DNAJC2: variants seen among roughly 807,000 people sequenced by gnomAD.
The protein encoded by DNAJC2 is DnaJ heat shock protein family (Hsp40) member C2, also known as dnaJ homolog subfamily C member 2.
In DNAJC2, 32 loss-of-function variants were observed where a neutral mutation model predicts 94.0. The ratio of observed to expected loss-of-function variants is 0.34; its 90% CI spans 0.26 to 0.46. The LOEUF is 0.46. Ranked by LOEUF, DNAJC2 falls within the 20% of genes least tolerant of loss-of-function variation. The pLI, the probability that DNAJC2 is intolerant of heterozygous loss-of-function variation, is 1.00. For synonymous variants in DNAJC2, 210 were observed against 229.7 expected (o/e 0.91, Z 0.77); for missense variants, 550 against 719.5 (o/e 0.76, Z 2.69).
At position 103,331,725 on chromosome 7, in the gene DNAJC2, C is replaced by T. The variant is rs189549663; in HGVS notation, c.332-3971G>A. 1.9e-3 allele frequency among the ~76,000 whole-genome samples: 293 copies of T among 152,218 alleles called. 2 individuals carry two copies. Among genetic ancestry groups the T allele is most frequent in the Admixed American group, 0.015 (226 of 15,284 alleles). On this transcript the variant is annotated intron_variant, in intron 3 of 16. Coordinates refer to ENST00000379263, the MANE Select transcript of DNAJC2 (RefSeq NM_014377.3). ...TGGCTGAGTGGTATCCCATTGTATA[C>T]ATATACTTTTCTTTATCAACTAGTC...
rs1377390011 is a variant in DNAJC2 at position 103,316,075 on chromosome 7, C to G, written c.1441G>C (p.Ala481Pro). The change falls in exon 14 of 17, where the codon GCT becomes CCT. Residue 481 changes from alanine (A) to proline (P), a missense_variant. Ala to Pro is a conservative substitution (Grantham distance 27). Coordinates refer to ENST00000379263, the MANE Select transcript of DNAJC2 (RefSeq NM_014377.3). ...GAAGAATGTATGTTCATGTAATTAGCAATAACTTCCCATCTGATAGGATAT... is the reference window on the plus strand; with the variant it reads ...GAAGAATGTATGTTCATGTAATTAGGAATAACTTCCCATCTGATAGGATAT... The part of the protein sequence containing the change: ...AGTNSRWEVI[A>P]NYMNIHSSSG... 1 of 1,578,254 alleles carries G rather than the reference C, an allele frequency of 6.3e-7. No individual in the cohort carries two copies. The highest frequency in any genetic ancestry group is 2.3e-5 in the East Asian group (1 of 44,422).
intron 16 of DNAJC2, 110 bp from the exon 17 acceptor site, chr7:103,312,753 T>C (rs1184530332): frequency 1.2e-5 from 18 of 1,530,970 alleles, no homozygotes; most frequent in East Asian, 6.8e-5. Context: ...GTACTAAATA[T>C]ACTGATTTCA....
At chr7:103,341,664 T>C (rs1209965280) in intron 2 of DNAJC2, 100 bp downstream of exon 2, 2 of 994,252 alleles carry the variant, frequency 2.0e-6, no homozygotes, top group African/African-American at 3.3e-5. Flanking sequence ...GTTATCTTGC[T>C]GAATCATCTT....
intron 5 of DNAJC2, among the ~76,000 whole-genome samples, chr7:103,326,332 A>C (rs1277790520): frequency 6.6e-6 from 1 of 152,238 alleles, no homozygotes; most frequent in Non-Finnish European, 1.5e-5. Context: ...TTTACTATGG[A>C]AATGTAGAAC....
chr7:103,317,782 C>G (rs1818154352), intron 12 of DNAJC2, among the ~76,000 whole-genome samples: 1 of 152,154 alleles, frequency 6.6e-6, no homozygotes, highest in Admixed American at 6.5e-5. Context: ...TCCCAAGTAG[C>G]TGGGATTACA....
intron 3 of DNAJC2, among the ~76,000 whole-genome samples, chr7:103,330,919 T>C (rs1295692097): frequency 6.6e-6 from 1 of 151,760 alleles, no homozygotes; most frequent in Non-Finnish European, 1.5e-5. Context: ...TACACACTTA[T>C]GGGGTGCATG....
chr7:103,335,822 G>C (rs544946717), intron 3 of DNAJC2: 6 of 152,410 alleles, frequency 3.9e-5, no homozygotes, highest in African/African-American at 1.4e-4. Flanking sequence ...TGGGATTACA[G>C]GTGTGACCCA....
rs943836992 is a variant in DNAJC2, at chr7:103,344,690, C to T, written c.-68G>A. Reference sequence around the variant, plus strand: ...CCGGGCGGAGGGCGCTTAGGGTCCCCTCCAGCTCTACCTCTCACTCCGAGC... The same window carrying T: ...CCGGGCGGAGGGCGCTTAGGGTCCCTTCCAGCTCTACCTCTCACTCCGAGC... On this transcript the variant is annotated 5_prime_UTR_variant, in exon 1 of 17. Coordinates refer to ENST00000379263, the MANE Select transcript of DNAJC2 (RefSeq NM_014377.3). 38 of 1,533,696 alleles carry T rather than the reference C, an allele frequency of 2.5e-5. No homozygotes were observed. The highest frequency in any genetic ancestry group is 3.3e-5 in the Non-Finnish European group (37 of 1,122,008).
intron 15 of DNAJC2, among the ~76,000 whole-genome samples, chr7:103,315,511 A>G (rs1323566918): frequency 1.3e-5 from 2 of 152,062 alleles, no homozygotes; most frequent in Non-Finnish European, 2.9e-5. Flanking sequence ...ATCCTCTAAC[A>G]CTGTTTTGTA....
At chr7:103,323,155 C>CCTGA in intron 7 of DNAJC2, among the ~76,000 whole-genome samples, 1 of 152,280 alleles carries the variant, frequency 6.6e-6, no homozygotes, top group Non-Finnish European at 1.5e-5. Context: ...GTCTCGCACT[C>CCTGA]CTGACCTCAG....
At chr7:103,344,288 C>T (rs1194567491) in intron 1 of DNAJC2, 5 of 532,504 alleles carry the variant, frequency 9.4e-6, no homozygotes, top group Non-Finnish European at 1.7e-5. Flanking sequence ...GGGGTTCCGT[C>T]CCGAAATGCT....
At position 103,322,422 on chromosome 7, in the gene DNAJC2, GT is replaced by G. The variant is rs1232923857; in HGVS notation, c.933+88del. ...CCCAATTCTCTGCTTTCGAATTATA[GT>G]TTTTTTTAAAAAAAGATGTGAAGAT... On this transcript the variant is annotated intron_variant, in intron 9 of 16. Transcript: ENST00000379263. The G allele has an allele frequency of 7.9e-6, 10 of 1,263,738 alleles. No individual in the cohort carries two copies. In the Middle Eastern group the frequency reaches 6.1e-4, roughly 77 times the overall value. The allele number at this position is 1,263,738 out of a possible 1,614,324, so 78.3% of individuals were successfully genotyped here.
chr7:103,344,432 A>G (rs1414390704), intron 1 of DNAJC2, 127 bp downstream of exon 1: 26 of 1,023,510 alleles, frequency 2.5e-5, no homozygotes, highest in Middle Eastern at 2.1e-4. Flanking sequence ...GGCACTCGTC[A>G]CGGCCCCATA....
chr7:103,341,377 T>C (rs1819366979), intron 2 of DNAJC2, among the ~76,000 whole-genome samples: 1 of 152,178 alleles, frequency 6.6e-6, no homozygotes, highest in African/African-American at 2.4e-5. Flanking sequence ...AGACACTAGA[T>C]TTCTCATCAC....
chr7:103,313,044 G>A lies in DNAJC2; in HGVS notation c.1694C>T (p.Ala565Val). 6.2e-7 allele frequency: 1 copy of A among 1,613,976 alleles called. No individual in the cohort carries two copies. The highest frequency in any genetic ancestry group is 1.7e-5 in the Admixed American group (1 of 59,998). The change falls in exon 16 of 17, where the codon GCT (alanine) becomes GTT (valine). Residue 565 changes from alanine (A) to valine (V), a missense_variant. Around this residue, in one of 2 missense-constraint regions of DNAJC2, gnomAD observed 271 missense variants for 302.6 expected, o/e 0.90. Coordinates refer to ENST00000379263, the MANE Select transcript of DNAJC2 (RefSeq NM_014377.3). ...TGTATTTACTGGGTATGTTTTCAAA[G>A]CTTGTTCCAAAAGCTTCTGTTCTTC... The part of the protein sequence containing the change: ...TTEEQKLLEQ[A>V]LKTYPVNTPE...
intron 12 of DNAJC2, among the ~76,000 whole-genome samples, chr7:103,317,998 T>C (rs1367176370): frequency 6.6e-6 from 1 of 152,206 alleles, no homozygotes; most frequent in Non-Finnish European, 1.5e-5. Context: ...TACATCTATC[T>C]GATGCACCTT....
At chr7:103,321,218 A>T (rs1818390797) in intron 10 of DNAJC2, among the ~76,000 whole-genome samples, 1 of 151,906 alleles carries the variant, frequency 6.6e-6, no homozygotes, top group African/African-American at 2.4e-5. Flanking sequence ...CAAAAACTTA[A>T]TTAGAAAAAG....
chr7:103,315,907 ATCAT>A (rs935741669), intron 14 of DNAJC2, 36 bp from the exon 15 acceptor site: 1 of 1,542,038 alleles, frequency 6.5e-7, no homozygotes, highest in African/African-American at 1.4e-5. Flanking sequence ...TTAACAGATC[ATCAT>A]TTAATCTTTC....
intron 3 of DNAJC2, chr7:103,328,966 T>G (rs1470334754): frequency 7.9e-7 from 1 of 1,267,946 alleles, no homozygotes; most frequent in African/African-American, 1.5e-5. Context: ...TGAATGGAAA[T>G]GGAACAAGTT....
Sources: allele counts gnomAD v4.1 joint callset (sites outside exome capture counted in the v4.1 genomes callset), GRCh38; gene constraint gnomAD v4.1.1; regional missense constraint gnomAD v4.1.1; transcripts MANE v1.5; gene names NCBI Gene and HGNC (gene_info 2026-07-23, HGNC 2026-07-21).